The following PDE1C variants were observed in gnomAD, a reference collection of about 807,000 sequenced individuals.
The protein encoded by PDE1C is dual specificity calcium/calmodulin-dependent 3',5'-cyclic nucleotide phosphodiesterase 1C.
In PDE1C, 62 loss-of-function variants were observed where a neutral mutation model predicts 93.1. The ratio of observed to expected loss-of-function variants is 0.67; its 90% CI spans 0.54 to 0.82. The LOEUF is 0.82. Among genes scored for constraint, PDE1C ranks in the 40% least tolerant of loss-of-function variants. The probability of loss-of-function intolerance (pLI) is 0.00; values close to 1 mark genes in which losing one functional copy is unlikely to be tolerated. For missense variants in PDE1C, 742 were observed against 884.6 expected, an observed-to-expected ratio of 0.84 and a Z score of 2.04; for synonymous variants, 325 against 310.1, an observed-to-expected ratio of 1.05 and a Z score of -0.50.
Position 31,968,809 on chromosome 7 carries a change from C to T in PDE1C, c.128+82745G>A, listed in dbSNP as rs538468026. Among the ~76,000 whole-genome samples the T allele has an allele frequency of 2.0e-5, 3 of 152,120 alleles. No homozygotes were observed. The South Asian group carries it at 6.2e-4, about 32-fold the overall frequency. The stretch of plus-strand genomic sequence containing the variant: ...TATAGACAAATGGAACAGAACAGAG[C>T]CCTCAGAAATAATGCTGCTTATCTA... On this transcript the variant is annotated intron_variant, in intron 2 of 17. Coordinates refer to ENST00000396191, the MANE Select transcript of PDE1C (RefSeq NM_001191057.4).
chr7:32,387,838 C>T (rs1035063057), intron 1 of PDE1C, among the ~76,000 whole-genome samples: 6 of 119,084 alleles, frequency 5.0e-5, no homozygotes, highest in Non-Finnish European at 8.8e-5. Flanking sequence ...CAGGACGGGG[C>T]GGCTGGCCGG....
At chr7:32,246,540 G>T (rs1030370089) in intron 1 of PDE1C, among the ~76,000 whole-genome samples, 1 of 152,144 alleles carries the variant, frequency 6.6e-6, no homozygotes, top group Non-Finnish European at 1.5e-5. Flanking sequence ...TTAGAACACA[G>T]AGAAGAAGCA....
At chr7:31,756,910 G>A (rs948838452) in intron 17 of PDE1C, among the ~76,000 whole-genome samples, 1 of 152,224 alleles carries the variant, frequency 6.6e-6, no homozygotes, top group African/African-American at 2.4e-5. Context: ...TGCAGGAGCA[G>A]GACACACGGT....
At chr7:32,394,692 C>T (rs542181424) in intron 1 of PDE1C, among the ~76,000 whole-genome samples, 11 of 152,224 alleles carry the variant, frequency 7.2e-5, no homozygotes, top group Admixed American at 2.6e-4. Context: ...CCTATAGTGC[C>T]AGCTAATCAG....
intron 2 of PDE1C, among the ~76,000 whole-genome samples, chr7:31,968,710 T>C (rs901400982): frequency 5.9e-5 from 9 of 152,218 alleles, no homozygotes; most frequent in East Asian, 5.8e-4. Context: ...CTTCAAACTA[T>C]ACTACAAGGC....
At chr7:31,664,430 A>G in the PDE1C span, among the ~76,000 whole-genome samples, 1 of 152,198 alleles carries the variant, frequency 6.6e-6, no homozygotes, top group Non-Finnish European at 1.5e-5. Context: ...GCCATTTTCA[A>G]GGAGAGATGA....
chr7:31,973,903 A>C (rs73314665), intron 2 of PDE1C, among the ~76,000 whole-genome samples: 9,294 of 152,270 alleles, frequency 0.061, 662 homozygotes, highest in African/African-American at 0.17. Flanking sequence ...TATAAACTAG[A>C]TAAAGAGACA....
chr7:32,022,551 G>T (rs774904930), intron 2 of PDE1C, among the ~76,000 whole-genome samples: 3 of 152,008 alleles, frequency 2.0e-5, no homozygotes, highest in Non-Finnish European at 4.4e-5. Flanking sequence ...AGCACAGAAG[G>T]TGGTATCGGG....
intron 2 of PDE1C, among the ~76,000 whole-genome samples, chr7:32,199,119 C>A (rs541892437): frequency 6.7e-6 from 1 of 149,364 alleles, no homozygotes; most frequent in African/African-American, 2.5e-5. Context: ...GCAAAACTAC[C>A]AAAAATAAAA....
chr7:31,842,799 A>G (rs1792083566), intron 9 of PDE1C, among the ~76,000 whole-genome samples: 3 of 151,568 alleles, frequency 2.0e-5, no homozygotes, highest in Middle Eastern at 3.4e-3. Flanking sequence ...TTGAATTTAC[A>G]TTACTGTTTT....
chr7:31,781,834 T>C (rs1338051709), intron 16 of PDE1C, among the ~76,000 whole-genome samples: 1 of 152,180 alleles, frequency 6.6e-6, no homozygotes, highest in East Asian at 1.9e-4. Flanking sequence ...GATTTGAATA[T>C]GTCTGTTCAT....
chr7:31,895,938 A>G (rs1799252291), intron 2 of PDE1C, among the ~76,000 whole-genome samples: 1 of 151,950 alleles, frequency 6.6e-6, no homozygotes, highest in Non-Finnish European at 1.5e-5. Flanking sequence ...TAAATTACCC[A>G]GTGTCAGCTA....
At chr7:31,637,704 G>T in the PDE1C span, among the ~76,000 whole-genome samples, 1 of 152,086 alleles carries the variant, frequency 6.6e-6, no homozygotes, top group African/African-American at 2.4e-5. Flanking sequence ...CACTCTGATG[G>T]TAGTTTCTAT....
chr7:32,250,514 C>A (rs1204656324), intron 1 of PDE1C, among the ~76,000 whole-genome samples: 5 of 152,210 alleles, frequency 3.3e-5, no homozygotes, highest in Admixed American at 3.3e-4. Flanking sequence ...ACAAACCACA[C>A]TTTGAGAAAC....
At chr7:32,404,748 T>C (rs1022146600) in intron 1 of PDE1C, among the ~76,000 whole-genome samples, 2 of 152,162 alleles carry the variant, frequency 1.3e-5, no homozygotes, top group Non-Finnish European at 2.9e-5. Flanking sequence ...CTTGGAGCTA[T>C]TTGGTTTTCC....
intron 16 of PDE1C, chr7:31,784,018 A>C (rs924756053): frequency 6.6e-6 from 1 of 152,208 alleles, no homozygotes; most frequent in African/African-American, 2.4e-5. Context: ...TTGTTTATTC[A>C]GCTAGTCATT....
chr7:32,373,808 C>T (rs1379848343), intron 1 of PDE1C, among the ~76,000 whole-genome samples: 1 of 152,028 alleles, frequency 6.6e-6, no homozygotes, highest in Non-Finnish European at 1.5e-5. Flanking sequence ...GCCAACATGG[C>T]AAAAGCCCAT....
chr7:31,801,617 A>G (rs1178615960), intron 16 of PDE1C, among the ~76,000 whole-genome samples: 1 of 151,490 alleles, frequency 6.6e-6, no homozygotes, highest in Non-Finnish European at 1.5e-5. Flanking sequence ...CTCCAAATAA[A>G]TTGTGAATTA....
At chr7:32,423,373 T>C (rs1785468878) in intron 1 of PDE1C, among the ~76,000 whole-genome samples, 2 of 152,092 alleles carry the variant, frequency 1.3e-5, no homozygotes, top group Admixed American at 6.5e-5. Context: ...TGAGACCCTG[T>C]ATCAAAAAAC....
Sources: gnomAD v4.1 joint callset for allele counts (sites outside exome capture counted in the v4.1 genomes callset) on GRCh38, gnomAD v4.1.1 for gene constraint, MANE v1.5 for transcripts, NCBI Gene and HGNC (gene_info 2026-07-23, HGNC 2026-07-21) for gene names.